The following MACROD2 variants were observed in gnomAD, a reference collection of about 807,000 sequenced individuals.
MACROD2 encodes ADP-ribose glycohydrolase MACROD2.
MACROD2 carries 36 observed loss-of-function variants against 70.4 expected under a neutral mutation model. The observed-to-expected ratio is 0.51, with a 90% confidence interval of 0.39 to 0.68. The LOEUF is 0.68. Ranked by LOEUF, MACROD2 falls within the 30% of genes least tolerant of loss-of-function variation. MACROD2 has a pLI of 0.00. For synonymous variants in MACROD2, 172 were observed against 178.8 expected, an observed-to-expected ratio of 0.96 and a Z score of 0.30; for missense variants, 496 against 538.4, an observed-to-expected ratio of 0.92 and a Z score of 0.78.
intron 3 of MACROD2, among the ~76,000 whole-genome samples, chr20:14,412,531 A>C (rs185036984): frequency 6.6e-6 from 1 of 152,238 alleles, no homozygotes; most frequent in Non-Finnish European, 1.5e-5. Context: ...CATAGCCTAC[A>C]CTCATGCTAG....
At chr20:15,583,521 G>A (rs1009103148) in intron 8 of MACROD2, among the ~76,000 whole-genome samples, 1 of 152,166 alleles carries the variant, frequency 6.6e-6, no homozygotes, top group Non-Finnish European at 1.5e-5. Flanking sequence ...ATCTTCCAAA[G>A]GCTTTCTGTT....
chr20:14,309,282 C>G (rs982144405), intron 3 of MACROD2, among the ~76,000 whole-genome samples: 2 of 152,062 alleles, frequency 1.3e-5, no homozygotes, highest in African/African-American at 4.8e-5. Flanking sequence ...ATAACTTAGA[C>G]CCTTCACGTA....
At chr20:15,631,673 T>C (rs892997932) in intron 8 of MACROD2, among the ~76,000 whole-genome samples, 1 of 152,156 alleles carries the variant, frequency 6.6e-6, no homozygotes, top group Non-Finnish European at 1.5e-5. Flanking sequence ...CCCCTTCTAC[T>C]CTGCTGACAA....
At position 15,702,324 on chromosome 20, in the gene MACROD2, C is replaced by T. The variant is rs116099218; in HGVS notation, c.646-160421C>T. On this transcript the variant is annotated intron_variant, in intron 8 of 17. Transcript: ENST00000684519. ...CCTTTTCTCTGCAACCATGCCAGCA[C>T]TTGTTATTTTTTTAAGTTTTTGTTA... Among the ~76,000 whole-genome samples, 1,171 of 152,270 alleles carry T rather than the reference C, an allele frequency of 7.7e-3. 9 individuals are homozygous for T. The highest frequency in any genetic ancestry group is 0.027 in the African/African-American group (1,125 of 41,550).
Position 15,824,373 on chromosome 20 carries a change from G to A in MACROD2, c.646-38372G>A, listed in dbSNP as rs566067843. On this transcript the variant is annotated intron_variant, in intron 8 of 17. Transcript: ENST00000684519. The stretch of plus-strand genomic sequence containing the variant: ...TTTTAAGATATGGTTATTTTACCTT[G>A]CCAGTGTATATTTCATTGGAAAAGT... 1.8e-3 allele frequency among the ~76,000 whole-genome samples: 271 copies of A among 152,226 alleles called. 1 individual carries two copies. Among genetic ancestry groups the A allele is most frequent in the Non-Finnish European group, 2.8e-3 (192 of 68,020 alleles).
chr20:16,005,124 A>T (rs1414306590), intron 15 of MACROD2, among the ~76,000 whole-genome samples: 1 of 152,226 alleles, frequency 6.6e-6, no homozygotes, highest in African/African-American at 2.4e-5. Context: ...AGAAACAAGA[A>T]GGAGTCATGT....
At chr20:14,963,895 AG>A (rs1333226241) in intron 5 of MACROD2, among the ~76,000 whole-genome samples, 10 of 152,216 alleles carry the variant, frequency 6.6e-5, no homozygotes, top group Non-Finnish European at 2.9e-5. Context: ...TGACTTCTAA[AG>A]TAGAGAGGGA....
At chr20:15,247,456 G>A (rs532072167) in intron 6 of MACROD2, among the ~76,000 whole-genome samples, 1 of 152,252 alleles carries the variant, frequency 6.6e-6, no homozygotes, top group South Asian at 2.1e-4. Context: ...CTTTATAGAA[G>A]AGTTATATAA....
intron 6 of MACROD2, among the ~76,000 whole-genome samples, chr20:15,290,634 TCCA>T (rs1217257156): frequency 2.0e-5 from 3 of 152,196 alleles, no homozygotes; most frequent in African/African-American, 7.2e-5. Context: ...TGTTAAGAAC[TCCA>T]CCAAGCCGTG....
chr20:15,254,832 A>G (rs1273380856), intron 6 of MACROD2, among the ~76,000 whole-genome samples: 3 of 152,064 alleles, frequency 2.0e-5, no homozygotes, highest in African/African-American at 4.8e-5. Context: ...GATAGAATTC[A>G]GATCTATCTG....
At chr20:15,590,630 C>A (rs1363705353) in intron 8 of MACROD2, among the ~76,000 whole-genome samples, 1 of 152,130 alleles carries the variant, frequency 6.6e-6, no homozygotes, top group Non-Finnish European at 1.5e-5. Flanking sequence ...CGCCTGTAAT[C>A]CCAGCACTTT....
At chr20:14,665,100 T>C (rs1287513193) in intron 4 of MACROD2, among the ~76,000 whole-genome samples, 1 of 152,166 alleles carries the variant, frequency 6.6e-6, no homozygotes, top group Non-Finnish European at 1.5e-5. Flanking sequence ...GTCATCATTA[T>C]TACAGGTGAC....
chr20:15,379,757 C>T (rs1254931631), intron 6 of MACROD2, among the ~76,000 whole-genome samples: 2 of 152,126 alleles, frequency 1.3e-5, no homozygotes, highest in East Asian at 3.9e-4. Flanking sequence ...ACTTAGCTTT[C>T]CACTCTTGCC....
chr20:15,516,442 A>C (rs1400193914), intron 8 of MACROD2, among the ~76,000 whole-genome samples: 3 of 152,144 alleles, frequency 2.0e-5, no homozygotes, highest in Non-Finnish European at 4.4e-5. Context: ...TTGATATACA[A>C]TTCCTGTCCT....
At chr20:14,798,022 A>G (rs1247428570) in intron 5 of MACROD2, among the ~76,000 whole-genome samples, 1 of 152,144 alleles carries the variant, frequency 6.6e-6, no homozygotes, top group East Asian at 1.9e-4. Flanking sequence ...GTACATTTTA[A>G]GATTAAAGTT....
chr20:15,217,030 C>T (rs530884223), intron 5 of MACROD2, among the ~76,000 whole-genome samples: 2 of 152,202 alleles, frequency 1.3e-5, no homozygotes, highest in South Asian at 4.1e-4. Flanking sequence ...CAGCCACAGA[C>T]CATCTCTGAA....
intron 8 of MACROD2, among the ~76,000 whole-genome samples, chr20:15,627,230 A>C (rs1171609067): frequency 1.9e-5 from 1 of 52,124 alleles, no homozygotes; most frequent in East Asian, 3.9e-4. Flanking sequence ...AAGATTACCA[A>C]AAAAAAAAAA....
chr20:14,208,411 C>CT (rs978184824), intron 3 of MACROD2, among the ~76,000 whole-genome samples: 21 of 152,124 alleles, frequency 1.4e-4, no homozygotes, highest in Non-Finnish European at 2.5e-4. Context: ...TGGCCATTTT[C>CT]TTTCTCTAGG....
At chr20:14,485,468 G>A (rs1311342033) in intron 3 of MACROD2, among the ~76,000 whole-genome samples, 1 of 152,190 alleles carries the variant, frequency 6.6e-6, no homozygotes, top group African/African-American at 2.4e-5. Flanking sequence ...TTGGGAGGCT[G>A]AGGCGGGCGA....
Sources: allele counts gnomAD v4.1 joint callset (sites outside exome capture counted in the v4.1 genomes callset), GRCh38; gene constraint gnomAD v4.1.1; transcripts MANE v1.5; gene names NCBI Gene and HGNC (gene_info 2026-07-23, HGNC 2026-07-21).